PPFIA4: variants seen among roughly 807,000 people sequenced by gnomAD.
The protein encoded by PPFIA4 is PPFI scaffold protein A4, also known as liprin-alpha-4.
A neutral mutation model predicts 145.7 loss-of-function variants in PPFIA4; 98 were observed. That is an observed-to-expected ratio of 0.67 (90% CI 0.57 to 0.80). The LOEUF (loss-of-function observed/expected upper bound fraction) is 0.80. Among genes scored for constraint, PPFIA4 ranks in the 30% least tolerant of loss-of-function variants. PPFIA4 has a pLI of 0.00. For missense variants in PPFIA4, 1,457 were observed against 1,632.7 expected (o/e 0.89, Z 1.85); for synonymous variants, 628 against 649.6 (o/e 0.97, Z 0.51).
intron 9 of PPFIA4, among the ~76,000 whole-genome samples, chr1:203,047,517 T>C (rs1660169460): frequency 6.6e-6 from 1 of 152,172 alleles, no homozygotes; most frequent in Non-Finnish European, 1.5e-5. Flanking sequence ...ATTTCCTGAC[T>C]ATAAGAGATG....
chr1:203,065,990 G>A (rs1042231959), intron 25 of PPFIA4, among the ~76,000 whole-genome samples: 1 of 152,204 alleles, frequency 6.6e-6, no homozygotes, highest in South Asian at 2.1e-4. Context: ...TGCCTGTAAT[G>A]TTCCCAAGGG....
In PPFIA4 at chr1:203,048,737, G is replaced by A; in HGVS notation, c.1356+23G>A. On this transcript the variant is annotated intron_variant, in intron 11 of 29. Transcript: ENST00000295706. This position sits in a 1 kb window ranked among gnomAD's most constrained non-coding sequence, Gnocchi z 5.8. ...AAGGTGCCCAGAGGGGCGGGGTTGG[G>A]ATGCGAGAGGTTAGTGCTGGGTGTG... is the stretch of plus-strand genomic sequence containing the variant. 1.9e-6 allele frequency: 3 copies of A among 1,573,224 alleles called. No individual in the cohort carries two copies. Among genetic ancestry groups the A allele is most frequent in the Non-Finnish European group, 2.6e-6 (3 of 1,155,888 alleles).
In PPFIA4 at chr1:203,055,740, G is replaced by C. The variant is rs1660893477; in HGVS notation, c.2070+68G>C. The C allele has an allele frequency of 4.4e-6, 7 of 1,596,776 alleles. No homozygotes were observed. The highest frequency in any genetic ancestry group is 6.0e-6 in the Non-Finnish European group (7 of 1,169,320). On this transcript the variant is annotated intron_variant, in intron 16 of 29. Coordinates refer to ENST00000295706, the MANE Select transcript of PPFIA4 (RefSeq NM_001304331.2). The surrounding 1 kb of genome is among the most constrained non-coding windows in gnomAD (Gnocchi z 4.8). Reference sequence around the variant, plus strand: ...GCACCGGGGGAGGTTTTAAGGGATGGTAGGACTCACGTGCTCTCAGCTGGG... The same window carrying C: ...GCACCGGGGGAGGTTTTAAGGGATGCTAGGACTCACGTGCTCTCAGCTGGG...
chr1:203,060,567 A>G lies in PPFIA4; in HGVS notation c.2784+150A>G. The stretch of plus-strand genomic sequence containing the variant: ...AGGGCTCTCCCTGGTCTTCAGGAGG[A>G]TATGATGTTGATTCTAGGAGGATAC... On this transcript the variant is annotated intron_variant, in intron 22 of 29. Transcript: ENST00000295706. The surrounding 1 kb of genome is among the most constrained non-coding windows in gnomAD (Gnocchi z 4.8). 1.2e-6 allele frequency: 1 copy of G among 844,472 alleles called. No individual in the cohort carries two copies. Among genetic ancestry groups the G allele is most frequent in the Non-Finnish European group, 1.8e-6 (1 of 546,698 alleles). 52.3% of individuals were successfully genotyped at this position (844,472 alleles called of 1,614,324 possible).
Position 203,052,259 on chromosome 1 carries a change from C to T in PPFIA4, c.1620+382C>T, listed in dbSNP as rs191546115. ...CAAAAGCTGTGGTTCATGGCGGAGACGAGGGAGGGATGACAGGTTAACTGG... is the reference window on the plus strand; with the variant it reads ...CAAAAGCTGTGGTTCATGGCGGAGATGAGGGAGGGATGACAGGTTAACTGG... On this transcript the variant is annotated intron_variant, in intron 14 of 29. Transcript: ENST00000295706. 4.1e-3 allele frequency among the ~76,000 whole-genome samples: 618 copies of T among 152,062 alleles called. 2 individuals carry two copies. The highest frequency in any genetic ancestry group is 0.014 in the African/African-American group (580 of 41,478).
chr1:203,053,651 T>TA (rs1660693502), intron 14 of PPFIA4, 102 bp from the exon 15 acceptor site: 18 of 940,122 alleles, frequency 1.9e-5, no homozygotes, highest in Non-Finnish European at 3.0e-5. Flanking sequence ...TCCAGCAAGC[T>TA]CCCAGGAGAT....
Position 203,075,682 on chromosome 1 carries a change from C to T in PPFIA4, c.3499C>T (p.Pro1167Ser). The change falls in exon 29 of 30, where the codon CCG becomes TCG. Residue 1167 changes from proline to serine, a missense_variant. Coordinates refer to ENST00000295706, the MANE Select transcript of PPFIA4 (RefSeq NM_001304331.2). This position sits in a 1 kb window ranked among gnomAD's most constrained non-coding sequence, Gnocchi z 4.1. ...GCTCAGCGCTTCCGCGGAGACCCTC[C>T]CGGCGGGCTTCCGTGTGTCCACCCT... ...GMLSASAETL[P>S]AGFRVSTLGT... 1 of 1,495,106 alleles carries T rather than the reference C, an allele frequency of 6.7e-7. No homozygotes were observed. The highest frequency in any genetic ancestry group is 1.3e-5 in the South Asian group (1 of 76,966). 92.6% of individuals were successfully genotyped at this position (1,495,106 alleles called of 1,614,324 possible). A position where few individuals can be genotyped will look rare whatever the true frequency, so the allele number is the denominator to read the frequency against.
intron 1 of PPFIA4, among the ~76,000 whole-genome samples, chr1:203,028,342 C>T (rs1571644747): frequency 6.6e-6 from 1 of 152,078 alleles, no homozygotes; most frequent in Non-Finnish European, 1.5e-5. Context: ...GAGTTGATTG[C>T]TGAAATCTTA....
At chr1:203,032,041 C>T (rs919741291) in intron 1 of PPFIA4, among the ~76,000 whole-genome samples, 4 of 146,350 alleles carry the variant, frequency 2.7e-5, no homozygotes, top group East Asian at 4.0e-4. Flanking sequence ...TCTGAGAGAA[C>T]GTGTGTGTGT....
rs952371472 is a variant in PPFIA4 at position 203,045,805 on chromosome 1, G to T, written c.859-36G>T. On this transcript the variant is annotated intron_variant, in intron 7 of 29. Coordinates refer to ENST00000295706, the MANE Select transcript of PPFIA4 (RefSeq NM_001304331.2). ...GTAGACAGGATGGGGGCAAGGAAAG[G>T]CTGGTTACCGTCCTTCTTGTCCCCT... is the stretch of plus-strand genomic sequence containing the variant. 1.9e-6 allele frequency: 3 copies of T among 1,612,554 alleles called. No individual in the cohort carries two copies. The African/African-American group carries it at 4.0e-5, about 21-fold the overall frequency.
intron 6 of PPFIA4, 111 bp from the exon 7 acceptor site, chr1:203,045,257 G>A (rs1411687941): frequency 2.0e-6 from 2 of 978,016 alleles, no homozygotes; most frequent in Non-Finnish European, 3.0e-6. Context: ...GTTGGGGGCA[G>A]AGCCTTGACC....
At chr1:203,073,052 T>C (rs1303269620) in intron 28 of PPFIA4, among the ~76,000 whole-genome samples, 1 of 152,196 alleles carries the variant, frequency 6.6e-6, no homozygotes, top group African/African-American at 2.4e-5. Flanking sequence ...TGGTGCTGTC[T>C]AATTTAGAAG....
At chr1:203,053,464 C>T (rs1660680093) in intron 14 of PPFIA4, among the ~76,000 whole-genome samples, 2 of 150,050 alleles carry the variant, frequency 1.3e-5, no homozygotes, top group African/African-American at 4.9e-5. Context: ...ACCTGGGAGG[C>T]GGAGGTTGCA....
chr1:203,067,314 A>G (rs79295275), intron 25 of PPFIA4: 3,022 of 215,216 alleles, frequency 0.014, 29 homozygotes, highest in Non-Finnish European at 0.022. Context: ...CATTGTAAGG[A>G]CTCCGAGTGA....
Position 203,054,189 on chromosome 1 carries a change from G to T in PPFIA4, c.1829+228G>T, listed in dbSNP as rs886116611. 4.3e-6 allele frequency: 3 copies of T among 694,320 alleles called. No individual in the cohort carries two copies. The Admixed American group carries it at 6.1e-5, about 14-fold the overall frequency. The allele number at this position is 694,320 out of a possible 1,614,324, so 43.0% of individuals were successfully genotyped here. ...CTCCCCTCTCAGGGCTTGCGATGTG[G>T]CTGGGCTCAGGAGGATGCATGCTGT... is the stretch of plus-strand genomic sequence containing the variant. On this transcript the variant is annotated intron_variant, in intron 15 of 29. Coordinates refer to ENST00000295706, the MANE Select transcript of PPFIA4 (RefSeq NM_001304331.2).
chr1:203,033,859 C>T (rs1358755776), intron 1 of PPFIA4, among the ~76,000 whole-genome samples: 3 of 152,102 alleles, frequency 2.0e-5, no homozygotes, highest in African/African-American at 7.2e-5. Flanking sequence ...TGGCGTGCAC[C>T]TGTAATCCCA....
At position 203,043,605 on chromosome 1, in the gene PPFIA4, C is replaced by T; in HGVS notation, c.336+107C>T. 9.7e-7 allele frequency: 1 copy of T among 1,031,638 alleles called. No individual in the cohort carries two copies. The highest frequency in any genetic ancestry group is 1.5e-6 in the Non-Finnish European group (1 of 685,260). 63.9% of individuals were successfully genotyped at this position (1,031,638 alleles called of 1,614,324 possible). A position where few individuals can be genotyped will look rare whatever the true frequency, so the allele number is the denominator to read the frequency against. ...GAGAGCAGGCAAGAGTGGGGCCAGGCACAGTCCTAGCTCAAGCCCCATCCT... is the reference window on the plus strand; with the variant it reads ...GAGAGCAGGCAAGAGTGGGGCCAGGTACAGTCCTAGCTCAAGCCCCATCCT... On this transcript the variant is annotated intron_variant, in intron 3 of 29. Coordinates refer to ENST00000295706, the MANE Select transcript of PPFIA4 (RefSeq NM_001304331.2). The surrounding 1 kb of genome is among the most constrained non-coding windows in gnomAD (Gnocchi z 4.4).
At position 203,064,000 on chromosome 1, in the gene PPFIA4, A is replaced by T. The variant is rs1661567478; in HGVS notation, c.3047A>T (p.His1016Leu). 1.9e-6 allele frequency: 3 copies of T among 1,612,370 alleles called. No individual in the cohort carries two copies. The highest frequency in any genetic ancestry group is 2.5e-6 in the Non-Finnish European group (3 of 1,179,536). ...CACCTGAAGATGGTGGACAGCTTCC[A>T]TCGGTGAGCGCGGCTGGGACCCAGG... ...RVHLKMVDSF[H>L]RTSLQYGIMC... Residue 1016 changes from histidine to leucine, a missense_variant, in exon 25 of 30, where the codon CAT (histidine) becomes CTT (leucine). His to Leu is a moderately conservative substitution (Grantham distance 99). This residue lies in a region of PPFIA4 where 848 missense variants were observed against 1,046.7 expected (regional missense o/e 0.81). Coordinates refer to ENST00000295706, the MANE Select transcript of PPFIA4 (RefSeq NM_001304331.2).
At chr1:203,056,272 G>A in intron 17 of PPFIA4, 103 bp from the exon 18 acceptor site, 1 of 1,599,058 alleles carries the variant, frequency 6.3e-7, no homozygotes, top group Non-Finnish European at 8.5e-7. Flanking sequence ...GGCACCCAGG[G>A]CCTCCCCACT....
Sources: allele counts gnomAD v4.1 joint callset (sites outside exome capture counted in the v4.1 genomes callset), GRCh38; gene constraint gnomAD v4.1.1; regional missense constraint gnomAD v4.1.1; non-coding constraint Gnocchi (gnomAD v3.1); transcripts MANE v1.5; gene names NCBI Gene and HGNC (gene_info 2026-07-23, HGNC 2026-07-21).